The following NFIB variants were observed in gnomAD, a reference collection of about 807,000 sequenced individuals.
NFIB encodes the protein nuclear factor I B, also known as nuclear factor 1 B-type.
In NFIB, 11 loss-of-function variants were observed where a neutral mutation model predicts 61.5. That is an observed-to-expected ratio of 0.18 (90% CI 0.11 to 0.30). NFIB has a LOEUF of 0.30. Among genes scored for constraint, NFIB ranks in the 10% least tolerant of loss-of-function variants. The pLI, the probability that NFIB is intolerant of heterozygous loss-of-function variation, is 1.00. For missense variants in NFIB, 471 were observed against 608.9 expected (o/e 0.77, Z 2.38); for synonymous variants, 260 against 216.5 (o/e 1.20, Z -1.76).
intron 1 of NFIB, among the ~76,000 whole-genome samples, chr9:14,326,748 C>G (rs990973964): frequency 1.4e-5 from 2 of 144,480 alleles, no homozygotes; most frequent in Admixed American, 6.9e-5. Flanking sequence ...TGTGAAAAAT[C>G]TGCTCTCTGA....
At chr9:14,398,281 C>A (rs943817173) in intron 1 of NFIB, among the ~76,000 whole-genome samples, 1 of 152,090 alleles carries the variant, frequency 6.6e-6, no homozygotes, top group African/African-American at 2.4e-5. Flanking sequence ...TTCTTTTCCC[C>A]GAAACATCTA....
Position 14,237,762 on chromosome 9 carries a change from CAG to C in NFIB, c.563-57984_563-57983del, listed in dbSNP as rs1491552713. 2.8e-3 allele frequency among the ~76,000 whole-genome samples: 297 copies of C among 105,876 alleles called. 13 individuals are homozygous for C. Among genetic ancestry groups the C allele is most frequent in the African/African-American group, 0.012 (284 of 24,378 alleles). 69.5% of individuals were successfully genotyped at this position (105,876 alleles called of 152,430 possible). On this transcript the variant is annotated intron_variant, in intron 2 of 10. Transcript: ENST00000380953. ...AAGCTCCTCACCCTGCTAGGTATAA[CAG>C]TGTGTGTGTGTGTGTGTGTGTGTGT...
chr9:14,514,145 G>C, the NFIB span, among the ~76,000 whole-genome samples: 1 of 152,130 alleles, frequency 6.6e-6, no homozygotes, highest in Non-Finnish European at 1.5e-5. Context: ...CATTTATTGA[G>C]CATTGTTTGA....
intron 7 of NFIB, among the ~76,000 whole-genome samples, chr9:14,122,883 T>G (rs1034553930): frequency 6.6e-6 from 1 of 152,158 alleles, no homozygotes; most frequent in Non-Finnish European, 1.5e-5. Context: ...TACCACTGGG[T>G]AAAATGTCGT....
At chr9:14,528,265 T>C in the NFIB span, among the ~76,000 whole-genome samples, 6 of 152,160 alleles carry the variant, frequency 3.9e-5, no homozygotes, top group African/African-American at 9.6e-5. Context: ...TAGCAAACAA[T>C]TGATGGATTT....
intron 6 of NFIB, among the ~76,000 whole-genome samples, chr9:14,126,704 C>A (rs944292929): frequency 2.0e-5 from 3 of 152,182 alleles, no homozygotes; most frequent in African/African-American, 7.2e-5. Flanking sequence ...TGAATGCTTA[C>A]CCTCATAGGA....
At chr9:14,176,978 G>A (rs1037239377) in intron 3 of NFIB, among the ~76,000 whole-genome samples, 1 of 152,126 alleles carries the variant, frequency 6.6e-6, no homozygotes, top group Non-Finnish European at 1.5e-5. Context: ...AGGAATAGAC[G>A]GTAGCAATTT....
chr9:14,140,125 G>C (rs1455423963), intron 6 of NFIB, among the ~76,000 whole-genome samples: 1 of 152,094 alleles, frequency 6.6e-6, no homozygotes, highest in East Asian at 1.9e-4. Context: ...TCATCCCTGT[G>C]ATACTAACTG....
the NFIB span, among the ~76,000 whole-genome samples, chr9:14,468,961 T>A: frequency 8.6e-3 from 1,307 of 152,260 alleles, 18 homozygotes; most frequent in African/African-American, 0.029. Flanking sequence ...CTCATTCTAA[T>A]CCTAACCGTG....
intron 2 of NFIB, among the ~76,000 whole-genome samples, chr9:14,297,335 T>C (rs1413727526): frequency 6.6e-6 from 1 of 152,174 alleles, no homozygotes; most frequent in African/African-American, 2.4e-5. Context: ...GACTAGTTTT[T>C]ACAGGAGAAG....
chr9:14,326,566 G>A (rs1346637485), intron 1 of NFIB, among the ~76,000 whole-genome samples: 2 of 152,154 alleles, frequency 1.3e-5, no homozygotes, highest in African/African-American at 4.8e-5. Context: ...AACCTGAGAT[G>A]GTGGTATGGC....
the NFIB span, among the ~76,000 whole-genome samples, chr9:14,504,548 T>C: frequency 6.6e-6 from 1 of 152,180 alleles, no homozygotes; most frequent in Non-Finnish European, 1.5e-5. Flanking sequence ...TTTTACCTCC[T>C]TGGTTAGCTG....
the NFIB span, among the ~76,000 whole-genome samples, chr9:14,452,566 A>G: frequency 6.6e-6 from 1 of 152,060 alleles, no homozygotes; most frequent in African/African-American, 2.4e-5. Context: ...TCAATCTTGT[A>G]TTTCTTTCTT....
At position 14,252,524 on chromosome 9, in the gene NFIB, T is replaced by C. The variant is rs117275502; in HGVS notation, c.562+54465A>G. Among the ~76,000 whole-genome samples the C allele has an allele frequency of 6.3e-4, 96 of 152,230 alleles. 1 individual carries two copies. The East Asian group carries it at 0.018, about 28-fold the overall frequency. On this transcript the variant is annotated intron_variant, in intron 2 of 10. Coordinates refer to ENST00000380953, the MANE Select transcript of NFIB (RefSeq NM_001190737.2). ...AAAGAAGTGTCATGATTTTTAAACA[T>C]TTGTATTTGTTAAAAAAAACAGAAA...
At chr9:14,516,765 A>C in the NFIB span, among the ~76,000 whole-genome samples, 1 of 152,168 alleles carries the variant, frequency 6.6e-6, no homozygotes, top group Non-Finnish European at 1.5e-5. Context: ...TCCTTCTTTC[A>C]ATTTTCTGCC....
the NFIB span, among the ~76,000 whole-genome samples, chr9:14,521,986 C>T: frequency 6.6e-6 from 1 of 152,202 alleles, no homozygotes; most frequent in South Asian, 2.1e-4. Context: ...GAAAGCCAAT[C>T]TGGCACAAGC....
intron 2 of NFIB, among the ~76,000 whole-genome samples, chr9:14,287,930 C>T (rs2058825990): frequency 6.6e-6 from 1 of 152,030 alleles, no homozygotes; most frequent in African/African-American, 2.4e-5. Context: ...AAACATACCT[C>T]ATCAAACAAA....
intron 2 of NFIB, among the ~76,000 whole-genome samples, chr9:14,235,500 C>T (rs980120008): frequency 6.6e-6 from 1 of 152,162 alleles, no homozygotes; most frequent in Admixed American, 6.5e-5. Context: ...TAAAAGATCC[C>T]TTTGGGTTTT....
At chr9:14,112,915 T>C (rs1394664696) in intron 10 of NFIB, 84 bp downstream of exon 10, 4 of 1,335,408 alleles carry the variant, frequency 3.0e-6, no homozygotes, top group South Asian at 2.7e-5. Context: ...AGCCCCCTTC[T>C]GAGTCCGGAT....
Sources: allele counts gnomAD v4.1 joint callset (sites outside exome capture counted in the v4.1 genomes callset), GRCh38; gene constraint gnomAD v4.1.1; transcripts MANE v1.5; gene names NCBI Gene and HGNC (gene_info 2026-07-23, HGNC 2026-07-21).